WDR59: variants seen among roughly 807,000 people sequenced by gnomAD.
The protein encoded by WDR59 is WD repeat domain 59, also known as GATOR2 complex protein WDR59.
Under a neutral mutation model 131.2 loss-of-function variants are expected in WDR59, and 100 were observed. The ratio of observed to expected loss-of-function variants is 0.76; its 90% CI spans 0.65 to 0.90. The LOEUF (loss-of-function observed/expected upper bound fraction) is 0.90. Among genes scored for constraint, WDR59 ranks in the 40% least tolerant of loss-of-function variants. The pLI, the probability that WDR59 is intolerant of heterozygous loss-of-function variation, is 0.00. For missense variants in WDR59, 1,203 were observed against 1,262.2 expected (o/e 0.95, Z 0.71); for synonymous variants, 601 against 466.2 (o/e 1.29, Z -3.72).
rs974850822 is a variant in WDR59, at chr16:74,901,146, T to C, written c.1866+2801A>G. Among the ~76,000 whole-genome samples the C allele has an allele frequency of 2.6e-5, 4 of 152,018 alleles. No individual in the cohort carries two copies. The East Asian group carries it at 5.8e-4, about 22-fold the overall frequency. On this transcript the variant is annotated intron_variant, in intron 18 of 25. Transcript: ENST00000262144. ...TATACTGGCTGGGTGAGATGGCTCA[T>C]GGCTACAATCCCAGCACTCTGGGAG...
chr16:74,891,526 C>G (rs116468640), intron 20 of WDR59, among the ~76,000 whole-genome samples: 1 of 152,234 alleles, frequency 6.6e-6, no homozygotes, highest in Non-Finnish European at 1.5e-5. Context: ...TATTTCCTCA[C>G]TGATAATACA....
intron 6 of WDR59, among the ~76,000 whole-genome samples, chr16:74,946,209 A>G (rs890789333): frequency 2.0e-4 from 30 of 152,192 alleles, no homozygotes; most frequent in Non-Finnish European, 1.9e-4. Flanking sequence ...CCTAATTTAT[A>G]AATTAAACCT....
At chr16:74,970,527 A>AAAAAAAAAAAAAAAC (rs2033942219) in intron 1 of WDR59, among the ~76,000 whole-genome samples, 1 of 144,584 alleles carries the variant, frequency 6.9e-6, no homozygotes, top group Non-Finnish European at 1.5e-5. Flanking sequence ...AAAAAAAAAA[A>AAAAAAAAAAAAAAAC]GCAGCTCTCC....
rs943862614 is a variant in WDR59 at position 74,888,388 on chromosome 16, A to G, written c.2196-69T>C. On this transcript the variant is annotated intron_variant, in intron 21 of 25. Transcript: ENST00000262144. ...ATTGAGGAGGAAAGCGGTCACAGTC[A>G]TGGCGTGTTACTGCCACAGGGGTGG... 15 of 1,492,602 alleles carry G rather than the reference A, an allele frequency of 1.0e-5. No individual in the cohort carries two copies. The Admixed American group carries it at 1.5e-4, about 15-fold the overall frequency. The allele number at this position is 1,492,602 out of a possible 1,614,324, so 92.5% of individuals were successfully genotyped here. A position where few individuals can be genotyped will look rare whatever the true frequency, so the allele number is the denominator to read the frequency against.
chr16:74,912,568 T>C lies in WDR59; in HGVS notation c.1225-206A>G, dbSNP rs146460517. ...TCTTAAAATTTTCAAACCAATGGAA[T>C]AAGCTCAAAGTTGCTGAGACCAGCT... On this transcript the variant is annotated intron_variant, in intron 13 of 25. Coordinates refer to ENST00000262144, the MANE Select transcript of WDR59 (RefSeq NM_030581.4). 1.6e-4 allele frequency among the ~76,000 whole-genome samples: 24 copies of C among 152,294 alleles called. No homozygotes were observed. The East Asian group carries it at 3.7e-3, about 23-fold the overall frequency.
chr16:74,920,357 G>C (rs1222973362), intron 10 of WDR59, among the ~76,000 whole-genome samples: 1 of 152,082 alleles, frequency 6.6e-6, no homozygotes, highest in African/African-American at 2.4e-5. Context: ...GTTTAAGGTA[G>C]GCTACTTAAG....
intron 1 of WDR59, among the ~76,000 whole-genome samples, chr16:74,982,792 G>C (rs2034479990): frequency 6.6e-6 from 1 of 152,162 alleles, no homozygotes; most frequent in Non-Finnish European, 1.5e-5. Flanking sequence ...TCTCAGTAGA[G>C]GCTACTGATC....
Position 74,874,246 on chromosome 16 carries a change from C to G in WDR59, c.2888G>C (p.Gly963Ala), listed in dbSNP as rs1335663784. ...WFRTQEVCPT[G>A]CGCHCLLEST... ...TTCAAGCAGGCAGTGGCACCCACAC[C>G]CGGTGGGACACACCTCCTGGGTCCG... Residue 963 changes from glycine (G) to alanine (A), a missense_variant, in exon 26 of 26, where the codon GGG (glycine) becomes GCG (alanine). Transcript: ENST00000262144. 6.2e-7 allele frequency: 1 copy of G among 1,614,044 alleles called. No individual in the cohort carries two copies. Among genetic ancestry groups the G allele is most frequent in the African/African-American group, 1.3e-5 (1 of 74,934 alleles).
chr16:74,979,997 C>T (rs1324762377), intron 1 of WDR59, among the ~76,000 whole-genome samples: 2 of 151,602 alleles, frequency 1.3e-5, no homozygotes, highest in African/African-American at 4.8e-5. Context: ...GACAGGCATG[C>T]ACCACCACGC....
intron 8 of WDR59, 78 bp from the exon 9 acceptor site, chr16:74,924,081 C>G: frequency 1.4e-6 from 2 of 1,387,094 alleles, no homozygotes. Context: ...AGCCTTTGAA[C>G]TCATTGCTTC....
intron 20 of WDR59, among the ~76,000 whole-genome samples, chr16:74,891,195 T>C (rs1310021499): frequency 6.6e-6 from 1 of 151,638 alleles, no homozygotes; most frequent in African/African-American, 2.4e-5. Flanking sequence ...GCCCATTAAC[T>C]GGAAAACATA....
Position 74,921,935 on chromosome 16 carries a change from T to C in WDR59, c.886+12A>G, listed in dbSNP as rs527537555. 9 of 1,612,748 alleles carry C rather than the reference T, an allele frequency of 5.6e-6. No individual in the cohort carries two copies. The Admixed American group carries it at 1.5e-4, about 27-fold the overall frequency. On this transcript the variant is annotated intron_variant, in intron 10 of 25. Transcript: ENST00000262144. The stretch of plus-strand genomic sequence containing the variant: ...TCAGAAGGAAAGTGGGCAGCAGGCC[T>C]CTCCCACTCACCTTCCTTCTGCTTC...
chr16:74,944,714 C>CACTA, intron 6 of WDR59, among the ~76,000 whole-genome samples: 1 of 152,122 alleles, frequency 6.6e-6, no homozygotes, highest in South Asian at 2.1e-4. Context: ...TGCCTCTTTT[C>CACTA]CCCCAGGGTA....
At chr16:74,926,491 C>A (rs1205760962) in intron 8 of WDR59, among the ~76,000 whole-genome samples, 1 of 152,180 alleles carries the variant, frequency 6.6e-6, no homozygotes, top group Non-Finnish European at 1.5e-5. Flanking sequence ...GAAGTACTTT[C>A]CTCCTTCTTA....
chr16:74,939,312 G>T (rs2032042810), intron 7 of WDR59, among the ~76,000 whole-genome samples: 1 of 152,006 alleles, frequency 6.6e-6, no homozygotes, highest in Non-Finnish European at 1.5e-5. Context: ...AGTTCATCTT[G>T]GTGTTATCTG....
intron 1 of WDR59, among the ~76,000 whole-genome samples, chr16:74,976,740 C>T (rs2034202869): frequency 6.6e-6 from 1 of 152,130 alleles, no homozygotes; most frequent in Admixed American, 6.6e-5. Context: ...CAAGCCCGGC[C>T]TAAACATTTT....
chr16:74,935,229 C>CA (rs1324737045), intron 8 of WDR59, among the ~76,000 whole-genome samples: 3,392 of 145,908 alleles, frequency 0.023, 117 homozygotes, highest in African/African-American at 0.079. Flanking sequence ...GACTCTGTCT[C>CA]AAAAAAAAAA....
At chr16:74,960,855 C>T (rs2145179096) in intron 2 of WDR59, among the ~76,000 whole-genome samples, 1 of 151,116 alleles carries the variant, frequency 6.6e-6, no homozygotes, top group Middle Eastern at 3.4e-3. Context: ...CTAAAAGATA[C>T]AGATTTCCAG....
At chr16:74,907,614 G>A (rs144952805) in intron 17 of WDR59, among the ~76,000 whole-genome samples, 12 of 152,236 alleles carry the variant, frequency 7.9e-5, no homozygotes, top group African/African-American at 1.9e-4. Context: ...GTGTGAGAAC[G>A]GACTAATACA....
Sources: gnomAD v4.1 joint callset for allele counts (sites outside exome capture counted in the v4.1 genomes callset) on GRCh38, gnomAD v4.1.1 for gene constraint, MANE v1.5 for transcripts, NCBI Gene and HGNC (gene_info 2026-07-23, HGNC 2026-07-21) for gene names.